Variants in PPIG observed in about 807,000 individuals in gnomAD.
The protein encoded by PPIG is peptidyl-prolyl cis-trans isomerase G.
In PPIG, 26 loss-of-function variants were observed where a neutral mutation model predicts 87.9. The observed-to-expected ratio is 0.30, with a 90% confidence interval of 0.22 to 0.41. The LOEUF (loss-of-function observed/expected upper bound fraction) is 0.41. PPIG is among the 10% of genes least tolerant of loss of function. The pLI is 1.00. For synonymous variants in PPIG, 308 were observed against 276.5 expected (o/e 1.11, Z -1.13); for missense variants, 722 against 879.4 (o/e 0.82, Z 2.26).
Position 169,638,417 on chromosome 2 carries a change from T to C in PPIG, c.*894T>C, listed in dbSNP as rs1439416482. 2 of 152,028 alleles carry C rather than the reference T, an allele frequency of 1.3e-5. No individual in the cohort carries two copies. Among genetic ancestry groups the C allele is most frequent in the African/African-American group, 4.8e-5 (2 of 41,424 alleles). The allele number at this position is 152,028 out of a possible 1,614,324, so 9.4% of individuals were successfully genotyped here. A position where few individuals can be genotyped will look rare whatever the true frequency, so the allele number is the denominator to read the frequency against. ...AAGCTATACAGATTCTAAAAATTGT[T>C]AGTATTGAGACATTAACTTCTAAGA... On this transcript the variant is annotated 3_prime_UTR_variant, in exon 14 of 14. Coordinates refer to ENST00000260970, the MANE Select transcript of PPIG (RefSeq NM_004792.3).
At chr2:169,593,730 C>A (rs1317002245) in intron 1 of PPIG, among the ~76,000 whole-genome samples, 1 of 146,274 alleles carries the variant, frequency 6.8e-6, no homozygotes, top group African/African-American at 2.5e-5. Context: ...CGGCTCACTG[C>A]AAGCTTCACC....
chr2:169,604,702 C>G (rs1434769133), intron 4 of PPIG, among the ~76,000 whole-genome samples: 1 of 151,010 alleles, frequency 6.6e-6, no homozygotes, highest in Non-Finnish European at 1.5e-5. Context: ...GGTGAAACCC[C>G]ATCTCTACTA....
intron 7 of PPIG, among the ~76,000 whole-genome samples, chr2:169,613,748 G>A (rs1685547974): frequency 6.6e-6 from 1 of 152,042 alleles, no homozygotes; most frequent in Non-Finnish European, 1.5e-5. Context: ...GCAACATAGT[G>A]AGACCTGTCT....
chr2:169,624,735 C>T (rs1444966631), intron 9 of PPIG, among the ~76,000 whole-genome samples: 2 of 151,964 alleles, frequency 1.3e-5, no homozygotes, highest in African/African-American at 4.8e-5. Context: ...CTACAGGCGC[C>T]CACCACCACG....
chr2:169,623,698 G>T (rs1336840719), intron 9 of PPIG, among the ~76,000 whole-genome samples: 4 of 152,140 alleles, frequency 2.6e-5, no homozygotes, highest in Admixed American at 1.3e-4. Flanking sequence ...AGTAATTTTG[G>T]CACTTTTATT....
At chr2:169,597,793 C>A (rs1330725736) in intron 1 of PPIG, among the ~76,000 whole-genome samples, 4 of 152,136 alleles carry the variant, frequency 2.6e-5, no homozygotes. Flanking sequence ...GCCACCACGC[C>A]CAGCTCTCTC....
In PPIG at chr2:169,631,946, G is replaced by C; in HGVS notation, c.929+13G>C. ...GGGAAAGAGAGTGGTATGTGAATATGTATATTTTGCCTTACATGGTTTACC... is the reference window on the plus strand; with the variant it reads ...GGGAAAGAGAGTGGTATGTGAATATCTATATTTTGCCTTACATGGTTTACC... On this transcript the variant is annotated intron_variant, in intron 11 of 13. Transcript: ENST00000260970. 6.4e-7 allele frequency: 1 copy of C among 1,570,506 alleles called. No homozygotes were observed.
In PPIG at chr2:169,614,426, A is replaced by C. The variant is rs777543306; in HGVS notation, c.378-38A>C. 11 of 1,502,518 alleles carry C rather than the reference A, an allele frequency of 7.3e-6. No homozygotes were observed. The South Asian group carries it at 1.1e-4, about 15-fold the overall frequency. The allele number at this position is 1,502,518 out of a possible 1,614,324, so 93.1% of individuals were successfully genotyped here. A position where few individuals can be genotyped will look rare whatever the true frequency, so the allele number is the denominator to read the frequency against. ...GAGATGCTAACTTTGTTTTTCTCTGACTTTGTTTTTATTCTTCTATCTGAT... is the reference window on the plus strand; with the variant it reads ...GAGATGCTAACTTTGTTTTTCTCTGCCTTTGTTTTTATTCTTCTATCTGAT... On this transcript the variant is annotated intron_variant, in intron 7 of 13. Transcript: ENST00000260970.
In PPIG at chr2:169,591,781, A is replaced by ATTT. The variant is rs35299903; in HGVS notation, c.-70+7300_-70+7302dup. 1.2e-3 allele frequency among the ~76,000 whole-genome samples: 178 copies of ATTT among 149,500 alleles called. 1 individual carries two copies. Among genetic ancestry groups the ATTT allele is most frequent in the African/African-American group, 3.5e-3 (143 of 40,818 alleles). On this transcript the variant is annotated intron_variant, in intron 1 of 13. Coordinates refer to ENST00000260970, the MANE Select transcript of PPIG (RefSeq NM_004792.3). ...ATGGGGCACAGTGCCACATATTGTG[A>ATTT]TTTTTTTTTTTCCAAGAAAAATTTG...
chr2:169,588,234 C>CGT (rs201838400), intron 1 of PPIG, among the ~76,000 whole-genome samples: 4,119 of 151,844 alleles, frequency 0.027, 78 homozygotes, highest in Non-Finnish European at 0.036. Flanking sequence ...GAAGCATATT[C>CGT]GTGTGTGTGT....
At position 169,637,337 on chromosome 2, in the gene PPIG, A is replaced by C. The variant is rs1368057995; in HGVS notation, c.2079A>C (p.Lys693Asn). ...ATCAAAGTCCCTTCTCAAAAATAAA[A>C]CAAAGCAGTCAGGACAATGAATTAA... is the stretch of plus-strand genomic sequence containing the variant. ...DRDQSPFSKI[K>N]QSSQDNELKS... Residue 693 changes from lysine (K) to asparagine (N), a missense_variant, in exon 14 of 14, where the codon AAA becomes AAC. Physicochemically the swap from Lys to Asn is moderately conservative, Grantham distance 94. This residue lies in a region of PPIG where 476 missense variants were observed against 483.1 expected (regional missense o/e 0.99). Coordinates refer to ENST00000260970, the MANE Select transcript of PPIG (RefSeq NM_004792.3). The C allele has an allele frequency of 3.1e-6, 5 of 1,606,398 alleles. No homozygotes were observed. In the Admixed American group the frequency reaches 8.6e-5, roughly 28 times the overall value.
At chr2:169,592,780 A>G (rs1684904867) in intron 1 of PPIG, among the ~76,000 whole-genome samples, 1 of 152,148 alleles carries the variant, frequency 6.6e-6, no homozygotes, top group African/African-American at 2.4e-5. Context: ...TATAGAGGAA[A>G]TAGGATATAC....
At chr2:169,625,479 G>A (rs758152922) in intron 9 of PPIG, among the ~76,000 whole-genome samples, 5 of 152,138 alleles carry the variant, frequency 3.3e-5, no homozygotes, top group South Asian at 2.1e-4. Flanking sequence ...ATAAAACTAC[G>A]TATTATTGTA....
intron 1 of PPIG, among the ~76,000 whole-genome samples, chr2:169,587,293 G>A (rs1185921053): frequency 6.6e-6 from 1 of 151,046 alleles, no homozygotes; most frequent in Admixed American, 6.6e-5. Flanking sequence ...CCATACTGGA[G>A]TGCAGTGGCG....
At chr2:169,626,294 C>A (rs1685885570) in intron 9 of PPIG, among the ~76,000 whole-genome samples, 1 of 152,124 alleles carries the variant, frequency 6.6e-6, no homozygotes, top group African/African-American at 2.4e-5. Flanking sequence ...TCCTTTAATG[C>A]CATCTCTTTC....
At chr2:169,603,511 TATATTA>T (rs1559178404) in intron 1 of PPIG, 125 bp from the exon 2 acceptor site, 1 of 10,254 alleles carries the variant, frequency 9.8e-5, no homozygotes, top group Non-Finnish European at 1.8e-4. Flanking sequence ...AGTTAAATAG[TATATTA>T]ACTATATACT....
At chr2:169,605,244 G>A (rs373751549) in intron 4 of PPIG, among the ~76,000 whole-genome samples, 3 of 152,262 alleles carry the variant, frequency 2.0e-5, no homozygotes, top group South Asian at 2.1e-4. Flanking sequence ...TCAGACAGGA[G>A]AATCACTTGA....
chr2:169,633,460 A>G (rs2305177), intron 12 of PPIG: 55,388 of 588,092 alleles, frequency 0.094, 3,049 homozygotes, highest in Middle Eastern at 0.17. Flanking sequence ...TTTTACATTT[A>G]CATGGTATAA....
chr2:169,587,318 T>G (rs908015746), intron 1 of PPIG, among the ~76,000 whole-genome samples: 3 of 152,038 alleles, frequency 2.0e-5, no homozygotes, highest in African/African-American at 7.2e-5. Flanking sequence ...CTCGGCTCAC[T>G]GCAACCTCCG....
Sources: allele counts gnomAD v4.1 joint callset (sites outside exome capture counted in the v4.1 genomes callset), GRCh38; gene constraint gnomAD v4.1.1; regional missense constraint gnomAD v4.1.1; transcripts MANE v1.5; gene names NCBI Gene and HGNC (gene_info 2026-07-23, HGNC 2026-07-21).